The following BRINP2 variants were observed in gnomAD, a reference collection of about 807,000 sequenced individuals.
The protein encoded by BRINP2 is BMP/retinoic acid inducible neural specific 2, also known as BMP/retinoic acid-inducible neural-specific protein 2.
A neutral mutation model predicts 69.2 loss-of-function variants in BRINP2; 21 were observed. The observed-to-expected ratio is 0.30, with a 90% CI of 0.22 to 0.44. The LOEUF is 0.44. BRINP2 is among the 20% of genes least tolerant of loss of function. The pLI, the probability that BRINP2 is intolerant of heterozygous loss-of-function variation, is 1.00. For synonymous variants in BRINP2, 380 were observed against 394.1 expected (o/e 0.96, Z 0.42); for missense variants, 877 against 986.0 (o/e 0.89, Z 1.48).
At chr1:177,190,182 G>A (rs907625928) in intron 1 of BRINP2, among the ~76,000 whole-genome samples, 4 of 152,118 alleles carry the variant, frequency 2.6e-5, no homozygotes, top group Non-Finnish European at 5.9e-5. Flanking sequence ...TAACTCATAC[G>A]GGGCAACCCT....
chr1:177,230,818 C>T (rs1313442488), intron 2 of BRINP2, among the ~76,000 whole-genome samples: 1 of 152,204 alleles, frequency 6.6e-6, no homozygotes, highest in Admixed American at 6.5e-5. Flanking sequence ...TGCTCCTCCA[C>T]GTGCTCACCT....
rs529246960 is a variant in BRINP2 at position 177,240,258 on chromosome 1, G to C, written c.269+10113G>C. On this transcript the variant is annotated intron_variant, in intron 2 of 7. Coordinates refer to ENST00000361539, the MANE Select transcript of BRINP2 (RefSeq NM_021165.4). ...GCATGTAAACACCTAATGATCCCTT[G>C]ACATGAGTTACGTAGTTGGTTTATT... Among the ~76,000 whole-genome samples the C allele has an allele frequency of 6.6e-5, 10 of 152,244 alleles. No homozygotes were observed. The East Asian group carries it at 1.9e-3, about 29-fold the overall frequency.
intron 2 of BRINP2, among the ~76,000 whole-genome samples, chr1:177,240,533 A>T (rs1313730697): frequency 6.6e-6 from 1 of 152,152 alleles, no homozygotes; most frequent in Non-Finnish European, 1.5e-5. Context: ...AAAAAAGAGG[A>T]GTCGAGAGGA....
chr1:177,215,990 T>C (rs988207601), intron 1 of BRINP2, among the ~76,000 whole-genome samples: 26 of 152,244 alleles, frequency 1.7e-4, no homozygotes, highest in Middle Eastern at 3.4e-3. Context: ...CTTTCATTTT[T>C]AGTATGTGTG....
chr1:177,252,606 C>T (rs899314970), intron 2 of BRINP2, among the ~76,000 whole-genome samples: 5 of 152,090 alleles, frequency 3.3e-5, no homozygotes, highest in Non-Finnish European at 5.9e-5. Flanking sequence ...TTTCTAGTTA[C>T]TTAAAATCTA....
intron 1 of BRINP2, among the ~76,000 whole-genome samples, chr1:177,202,148 G>A (rs201543608): frequency 2.7e-5 from 4 of 149,868 alleles, no homozygotes; most frequent in South Asian, 2.1e-4. Context: ...TTTTCAAAAA[G>A]CCAGCTCCTG....
At chr1:177,279,887 C>T (rs1476982897) in intron 7 of BRINP2, among the ~76,000 whole-genome samples, 1 of 151,918 alleles carries the variant, frequency 6.6e-6, no homozygotes, top group African/African-American at 2.4e-5. Context: ...TCGGCAGGGA[C>T]ATCAGGAAAG....
At chr1:177,205,453 C>T (rs1033456168) in intron 1 of BRINP2, among the ~76,000 whole-genome samples, 1 of 152,154 alleles carries the variant, frequency 6.6e-6, no homozygotes, top group East Asian at 1.9e-4. Context: ...CTCCATTTTT[C>T]TTCAACAGAA....
intron 2 of BRINP2, among the ~76,000 whole-genome samples, chr1:177,231,031 G>A (rs1380253420): frequency 6.6e-6 from 1 of 152,164 alleles, no homozygotes; most frequent in African/African-American, 2.4e-5. Flanking sequence ...AAGCACAAAA[G>A]GAAACAGAAA....
At chr1:177,227,422 G>T (rs972881186) in intron 1 of BRINP2, among the ~76,000 whole-genome samples, 4 of 152,178 alleles carry the variant, frequency 2.6e-5, no homozygotes, top group African/African-American at 9.7e-5. Flanking sequence ...ATGAGCACTT[G>T]CTTTTGTATT....
chr1:177,213,258 T>G (rs1649280336), intron 1 of BRINP2, among the ~76,000 whole-genome samples: 1 of 152,266 alleles, frequency 6.6e-6, no homozygotes, highest in South Asian at 2.1e-4. Context: ...ACATTTGGGG[T>G]CACGGAATTA....
chr1:177,206,563 T>C (rs1379319773), intron 1 of BRINP2, among the ~76,000 whole-genome samples: 8 of 152,174 alleles, frequency 5.3e-5, no homozygotes, highest in Non-Finnish European at 1.2e-4. Flanking sequence ...TTACGTGTAT[T>C]ATTTTAGATA....
chr1:177,268,853 T>C (rs1205255478), intron 4 of BRINP2, among the ~76,000 whole-genome samples: 2 of 152,140 alleles, frequency 1.3e-5, no homozygotes, highest in East Asian at 3.9e-4. Flanking sequence ...GGAAACAAAC[T>C]TACTCAACTA....
intron 2 of BRINP2, among the ~76,000 whole-genome samples, chr1:177,233,258 G>A (rs1649917136): frequency 6.6e-6 from 1 of 152,146 alleles, no homozygotes; most frequent in Admixed American, 6.5e-5. Context: ...GAAGGTCCTG[G>A]AGCCAGGTGA....
At chr1:177,203,722 A>C (rs1648988979) in intron 1 of BRINP2, among the ~76,000 whole-genome samples, 1 of 152,186 alleles carries the variant, frequency 6.6e-6, no homozygotes, top group Admixed American at 6.5e-5. Flanking sequence ...TTAATATAAA[A>C]GATGCTAGGG....
chr1:177,243,249 G>C (rs1252689985), intron 2 of BRINP2, among the ~76,000 whole-genome samples: 1 of 152,202 alleles, frequency 6.6e-6, no homozygotes, highest in Non-Finnish European at 1.5e-5. Flanking sequence ...ATAGAACGCT[G>C]TACATTAATC....
chr1:177,190,062 G>T (rs1648542137), intron 1 of BRINP2, among the ~76,000 whole-genome samples: 1 of 152,096 alleles, frequency 6.6e-6, no homozygotes, highest in Non-Finnish European at 1.5e-5. Context: ...AATGGACAGG[G>T]CCTGATAAAA....
At chr1:177,189,282 A>C (rs1648519307) in intron 1 of BRINP2, among the ~76,000 whole-genome samples, 1 of 152,294 alleles carries the variant, frequency 6.6e-6, no homozygotes, top group Admixed American at 6.5e-5. Flanking sequence ...GCAGTCTATA[A>C]GATTTTCTGC....
intron 6 of BRINP2, among the ~76,000 whole-genome samples, chr1:177,276,764 C>T (rs561867187): frequency 6.6e-6 from 1 of 152,186 alleles, no homozygotes; most frequent in Admixed American, 6.5e-5. Flanking sequence ...ACATAAGGTT[C>T]GCTATAAATA....
Sources: allele counts gnomAD v4.1 joint callset (sites outside exome capture counted in the v4.1 genomes callset), GRCh38; gene constraint gnomAD v4.1.1; transcripts MANE v1.5; gene names NCBI Gene and HGNC (gene_info 2026-07-23, HGNC 2026-07-21).